Variants in C8A observed in about 807,000 individuals in gnomAD.
C8A encodes the protein complement C8 alpha chain, also known as complement component C8 alpha chain.
C8A carries 67 observed loss-of-function variants against 65.3 expected under a neutral mutation model. That is an observed-to-expected ratio of 1.03 (90% confidence interval 0.84 to 1.26). The LOEUF (loss-of-function observed/expected upper bound fraction) is 1.26, where lower values mean the gene tolerates loss of function less well. C8A is among the 50% of genes most tolerant of loss of function. The pLI is 0.00. For missense variants in C8A, 781 were observed against 723.9 expected (o/e 1.08, Z -0.90); for synonymous variants, 290 against 259.4 (o/e 1.12, Z -1.13).
At chr1:56,888,251 T>A (rs1473063419) in intron 7 of C8A, among the ~76,000 whole-genome samples, 1 of 152,182 alleles carries the variant, frequency 6.6e-6, no homozygotes, top group African/African-American at 2.4e-5. Context: ...ATACATAGTG[T>A]TCAAAACAAG....
chr1:56,911,527 A>G (rs1015339915), intron 9 of C8A, among the ~76,000 whole-genome samples: 5 of 152,332 alleles, frequency 3.3e-5, no homozygotes, highest in South Asian at 2.1e-4. Flanking sequence ...GTTTCCCCCA[A>G]GGAATATTTG....
chr1:56,900,377 C>A (rs74075644), intron 7 of C8A, among the ~76,000 whole-genome samples: 1 of 152,110 alleles, frequency 6.6e-6, no homozygotes, highest in African/African-American at 2.4e-5. Context: ...GTGCCAGACA[C>A]GTTTTAGGAA....
chr1:56,906,037 G>A (rs1001386210), intron 7 of C8A, among the ~76,000 whole-genome samples: 4 of 152,174 alleles, frequency 2.6e-5, no homozygotes, highest in African/African-American at 9.7e-5. Flanking sequence ...GGAGTCTGAA[G>A]GGCAGGTAAA....
chr1:56,868,451 A>T (rs1030748302), intron 2 of C8A, among the ~76,000 whole-genome samples: 19 of 151,720 alleles, frequency 1.3e-4, no homozygotes, highest in Non-Finnish European at 2.4e-4. Context: ...TCTACAAAAA[A>T]TACACACACA....
chr1:56,915,468 G>A (rs973391469), intron 10 of C8A, among the ~76,000 whole-genome samples: 2 of 152,148 alleles, frequency 1.3e-5, no homozygotes, highest in Non-Finnish European at 2.9e-5. Flanking sequence ...TGATACAGCC[G>A]AGCTCAAGGG....
intron 7 of C8A, among the ~76,000 whole-genome samples, chr1:56,901,342 A>C (rs1300600471): frequency 1.3e-5 from 2 of 152,150 alleles, no homozygotes; most frequent in Non-Finnish European, 2.9e-5. Context: ...AATGCTTTTA[A>C]TCTGAGGAAT....
chr1:56,903,470 C>T (rs1441247550), intron 7 of C8A, among the ~76,000 whole-genome samples: 1 of 152,212 alleles, frequency 6.6e-6, no homozygotes, highest in African/African-American at 2.4e-5. Context: ...TATAAAATCA[C>T]CCAGTCTTGG....
intron 2 of C8A, among the ~76,000 whole-genome samples, chr1:56,873,116 C>CCT (rs911086655): frequency 2.0e-5 from 3 of 152,182 alleles, no homozygotes; most frequent in Non-Finnish European, 4.4e-5. Context: ...TTGATCTTCA[C>CCT]CTCTCCTTGC....
At chr1:56,897,301 C>T (rs1242978684) in intron 7 of C8A, among the ~76,000 whole-genome samples, 1 of 152,144 alleles carries the variant, frequency 6.6e-6, no homozygotes, top group Non-Finnish European at 1.5e-5. Context: ...AACTTAAGTA[C>T]AGGCACAGAG....
In C8A at chr1:56,875,499, A is replaced by T. The variant is rs114289346; in HGVS notation, c.316+406A>T. On this transcript the variant is annotated intron_variant, in intron 3 of 10. Transcript: ENST00000361249. The stretch of plus-strand genomic sequence containing the variant: ...AACACTGTGTGATAGCCATGGGCAC[A>T]TGCATGGCCTAGTGGGTCTTTCTAG... Among the ~76,000 whole-genome samples, 1,366 of 152,286 alleles carry T rather than the reference A, an allele frequency of 9.0e-3. 54 individuals carry two copies. The South Asian group carries it at 0.12, about 13-fold the overall frequency.
At chr1:56,891,848 G>A (rs528379500) in intron 7 of C8A, among the ~76,000 whole-genome samples, 1 of 152,038 alleles carries the variant, frequency 6.6e-6, no homozygotes, top group East Asian at 1.9e-4. Context: ...GGCAAAGAAG[G>A]GACTCTAAAT....
chr1:56,915,414 G>T (rs2101318102), intron 10 of C8A, among the ~76,000 whole-genome samples: 1 of 152,272 alleles, frequency 6.6e-6, no homozygotes, highest in South Asian at 2.1e-4. Context: ...GGCACTGCTT[G>T]GTAGATGGGT....
Position 56,917,748 on chromosome 1 carries a change from G to A in C8A, c.*32G>A. 1 of 1,612,950 alleles carries A rather than the reference G, an allele frequency of 6.2e-7. No homozygotes were observed. The highest frequency in any genetic ancestry group is 1.1e-5 in the South Asian group (1 of 90,994). The stretch of plus-strand genomic sequence containing the variant: ...CTGGACACAGGCTGGACCAGATGCT[G>A]TGGATGTCGACCCCTGCACTGACTA... On this transcript the variant is annotated 3_prime_UTR_variant, in exon 11 of 11. Transcript: ENST00000361249.
intron 7 of C8A, among the ~76,000 whole-genome samples, chr1:56,904,895 T>A (rs1235436569): frequency 2.0e-5 from 3 of 152,138 alleles, no homozygotes; most frequent in East Asian, 1.9e-4. Flanking sequence ...TGTTGCCAGA[T>A]CTTTCATGAG....
chr1:56,856,888 A>G (rs1470506635), intron 1 of C8A, among the ~76,000 whole-genome samples: 1 of 152,074 alleles, frequency 6.6e-6, no homozygotes, highest in African/African-American at 2.4e-5. Flanking sequence ...TTTTAAAACA[A>G]TGGTGATGGA....
chr1:56,914,507 T>G (rs1249679045), intron 10 of C8A, among the ~76,000 whole-genome samples: 1 of 152,196 alleles, frequency 6.6e-6, no homozygotes, highest in Non-Finnish European at 1.5e-5. Context: ...AGCTTCAAAC[T>G]ACAAATACCA....
intron 10 of C8A, 131 bp downstream of exon 10, chr1:56,912,756 G>A: frequency 2.6e-6 from 2 of 770,834 alleles, no homozygotes; most frequent in Non-Finnish European, 4.5e-6. Flanking sequence ...CCACCCTTGA[G>A]AGTTCTGTTA....
At chr1:56,888,793 C>T (rs956440317) in intron 7 of C8A, among the ~76,000 whole-genome samples, 2 of 152,108 alleles carry the variant, frequency 1.3e-5, no homozygotes, top group African/African-American at 4.8e-5. Flanking sequence ...GTTTCGGGGG[C>T]TATTGCACAT....
At chr1:56,861,838 T>G (rs1644036735) in intron 1 of C8A, among the ~76,000 whole-genome samples, 1 of 152,224 alleles carries the variant, frequency 6.6e-6, no homozygotes, top group Admixed American at 6.5e-5. Context: ...GCCAATTTAT[T>G]GGGATAACCC....
Sources: gnomAD v4.1 joint callset for allele counts (sites outside exome capture counted in the v4.1 genomes callset) on GRCh38, gnomAD v4.1.1 for gene constraint, MANE v1.5 for transcripts, NCBI Gene and HGNC (gene_info 2026-07-23, HGNC 2026-07-21) for gene names.